The following ELMO1 variants were observed in gnomAD, a reference collection of about 807,000 sequenced individuals.
ELMO1 encodes engulfment and cell motility 1.
A neutral mutation model predicts 98.9 loss-of-function variants in ELMO1; 26 were observed. The observed-to-expected ratio is 0.26, with a 90% CI of 0.19 to 0.36. ELMO1 has a LOEUF of 0.36. Ranked by LOEUF, ELMO1 falls within the 10% of genes least tolerant of loss-of-function variation. The pLI is 1.00. For missense variants in ELMO1, 627 were observed against 935.2 expected (o/e 0.67, Z 4.30); for synonymous variants, 346 against 346.0 (o/e 1.00, Z 0.00).
intron 19 of ELMO1, among the ~76,000 whole-genome samples, chr7:36,877,496 T>C (rs1177652381): frequency 1.3e-5 from 2 of 152,200 alleles, no homozygotes; most frequent in Non-Finnish European, 2.9e-5. Flanking sequence ...AAGAGAAATA[T>C]TTAGCAAACA....
chr7:36,927,379 C>G (rs957761161), intron 16 of ELMO1, among the ~76,000 whole-genome samples: 1 of 152,238 alleles, frequency 6.6e-6, no homozygotes, highest in Non-Finnish European at 1.5e-5. Context: ...GCTTCTCGAA[C>G]TTGTTGGGCG....
chr7:37,218,152 T>C (rs990732890), intron 10 of ELMO1, among the ~76,000 whole-genome samples: 2 of 152,178 alleles, frequency 1.3e-5, no homozygotes, highest in Non-Finnish European at 2.9e-5. Context: ...ATCCTATAGC[T>C]GTTTTAATTT....
chr7:36,870,369 T>C lies in ELMO1; in HGVS notation c.1905+24A>G. 7 of 1,613,032 alleles carry C rather than the reference T, an allele frequency of 4.3e-6. No homozygotes were observed. Among genetic ancestry groups the C allele is most frequent in the Non-Finnish European group, 5.9e-6 (7 of 1,179,092 alleles). On this transcript the variant is annotated intron_variant, in intron 20 of 21. Coordinates refer to ENST00000310758, the MANE Select transcript of ELMO1 (RefSeq NM_014800.11). The surrounding 1 kb of genome is among the most constrained non-coding windows in gnomAD (Gnocchi z 4.4). ...CGACCGCACTGGGCAAATAGAGCTA[T>C]TTGCAATAATTTGGAAATCATACCT...
intron 2 of ELMO1, among the ~76,000 whole-genome samples, chr7:37,320,869 C>A (rs1258271314): frequency 6.6e-6 from 1 of 152,170 alleles, no homozygotes; most frequent in African/African-American, 2.4e-5. Context: ...CCTGGATTAA[C>A]CAGCACGTTT....
intron 2 of ELMO1, among the ~76,000 whole-genome samples, chr7:37,331,352 T>A (rs1800104840): frequency 1.1e-5 from 1 of 93,946 alleles, no homozygotes; most frequent in Non-Finnish European, 2.2e-5. Context: ...TTTTTTTTTT[T>A]TTTGGAATTT....
intron 1 of ELMO1, among the ~76,000 whole-genome samples, chr7:37,364,111 C>T (rs1801805426): frequency 6.6e-6 from 1 of 152,214 alleles, no homozygotes; most frequent in African/African-American, 2.4e-5. Context: ...AGACAATACC[C>T]CCAACACCAT....
At chr7:37,430,720 C>T (rs769183143) in intron 1 of ELMO1, among the ~76,000 whole-genome samples, 2 of 152,190 alleles carry the variant, frequency 1.3e-5, no homozygotes, top group Admixed American at 6.5e-5. Flanking sequence ...TACTGTATGC[C>T]GGCCGAGGCC....
intron 15 of ELMO1, among the ~76,000 whole-genome samples, chr7:37,066,418 C>T (rs1477514549): frequency 6.6e-6 from 1 of 152,190 alleles, no homozygotes; most frequent in East Asian, 1.9e-4. Flanking sequence ...ATTCTCCAAG[C>T]ACAGATGCAG....
intron 1 of ELMO1, among the ~76,000 whole-genome samples, chr7:37,364,043 C>A (rs1004961940): frequency 2.6e-5 from 4 of 152,186 alleles, no homozygotes; most frequent in African/African-American, 7.2e-5. Flanking sequence ...TTCTGACTAA[C>A]ACTCTGCCAG....
chr7:37,267,039 ACAC>A (rs1796299516), intron 5 of ELMO1, among the ~76,000 whole-genome samples: 1 of 14,196 alleles, frequency 7.0e-5, no homozygotes, highest in Admixed American at 9.4e-4. Flanking sequence ...ATGTATATAT[ACAC>A]ACACACACAC....
intron 2 of ELMO1, among the ~76,000 whole-genome samples, chr7:37,326,043 T>C (rs1287201073): frequency 2.0e-5 from 3 of 152,198 alleles, no homozygotes; most frequent in African/African-American, 7.2e-5. Context: ...GCTGTGTCTA[T>C]ACCCTATCTT....
At chr7:37,033,470 G>A (rs1794991300) in intron 15 of ELMO1, 1 of 449,244 alleles carries the variant, frequency 2.2e-6, no homozygotes, top group Non-Finnish European at 4.5e-6. Context: ...CAAAACCAAT[G>A]TCTAGGCCAT....
At chr7:37,061,457 A>G (rs773327990) in intron 15 of ELMO1, among the ~76,000 whole-genome samples, 1 of 152,220 alleles carries the variant, frequency 6.6e-6, no homozygotes, top group Non-Finnish European at 1.5e-5. Context: ...CCAGAATTCA[A>G]TCCCATGGTG....
chr7:37,250,941 G>A (rs1009400015), intron 6 of ELMO1, among the ~76,000 whole-genome samples: 3 of 152,178 alleles, frequency 2.0e-5, no homozygotes, highest in Non-Finnish European at 2.9e-5. Flanking sequence ...ATTGCCAAGC[G>A]GGAAGGAAAC....
chr7:37,274,398 G>A (rs532702881), intron 4 of ELMO1, among the ~76,000 whole-genome samples: 3 of 152,244 alleles, frequency 2.0e-5, no homozygotes, highest in African/African-American at 7.2e-5. Flanking sequence ...GCCAGCAGAC[G>A]TGCTGACTGA....
chr7:37,271,576 G>A (rs771749890), intron 5 of ELMO1: 6 of 423,648 alleles, frequency 1.4e-5, no homozygotes, highest in Non-Finnish European at 2.5e-5. Context: ...GAAAGTTTAC[G>A]AATTTGTGAA....
At chr7:36,948,066 T>C (rs558537116) in intron 16 of ELMO1, among the ~76,000 whole-genome samples, 3 of 152,344 alleles carry the variant, frequency 2.0e-5, no homozygotes, top group Non-Finnish European at 4.4e-5. Context: ...GTTCCTAGCA[T>C]GCAGAAGATG....
At chr7:36,924,491 A>G (rs1785379567) in intron 16 of ELMO1, among the ~76,000 whole-genome samples, 2 of 152,228 alleles carry the variant, frequency 1.3e-5, no homozygotes, top group African/African-American at 4.8e-5. Flanking sequence ...AGACCTCAGG[A>G]GGAGTACGTC....
chr7:37,387,442 C>T (rs576692470), intron 1 of ELMO1, among the ~76,000 whole-genome samples: 1 of 152,198 alleles, frequency 6.6e-6, no homozygotes, highest in Non-Finnish European at 1.5e-5. Context: ...GCTTCTATCT[C>T]TAAATGTCCC....
Sources: gnomAD v4.1 joint callset for allele counts (sites outside exome capture counted in the v4.1 genomes callset) on GRCh38, gnomAD v4.1.1 for gene constraint, Gnocchi (gnomAD v3.1) non-coding constraint, MANE v1.5 for transcripts, NCBI Gene and HGNC (gene_info 2026-07-23, HGNC 2026-07-21) for gene names.